The following CCDC73 variants were observed in gnomAD, a reference collection of about 807,000 sequenced individuals.
CCDC73 encodes the protein coiled-coil domain-containing protein 73.
In CCDC73, 95 loss-of-function variants were observed where a neutral mutation model predicts 116.5. The observed-to-expected ratio is 0.82, with a 90% CI of 0.69 to 0.97. The LOEUF (loss-of-function observed/expected upper bound fraction) is 0.97, where lower values mean the gene tolerates loss of function less well. Ranked by LOEUF, CCDC73 falls within the 50% of genes least tolerant of loss-of-function variation. The pLI, the probability that CCDC73 is intolerant of heterozygous loss-of-function variation, is 0.00. For synonymous variants in CCDC73, 398 were observed against 401.3 expected, an observed-to-expected ratio of 0.99 and a Z score of 0.10; for missense variants, 1,066 against 1,206.8, an observed-to-expected ratio of 0.88 and a Z score of 1.73.
the CCDC73 span, among the ~76,000 whole-genome samples, chr11:32,811,650 G>C: frequency 1.3e-4 from 20 of 152,214 alleles, no homozygotes; most frequent in East Asian, 3.1e-3. Flanking sequence ...GAAGGCAAAG[G>C]GGGGAGCCGG....
chr11:32,759,438 C>G (rs1412882863), intron 2 of CCDC73, among the ~76,000 whole-genome samples: 2 of 148,644 alleles, frequency 1.3e-5, no homozygotes, highest in South Asian at 2.1e-4. Flanking sequence ...TCAAGCAATT[C>G]TTATGCCTCA....
At chr11:32,649,448 A>T (rs1454786518) in intron 12 of CCDC73, among the ~76,000 whole-genome samples, 1 of 152,206 alleles carries the variant, frequency 6.6e-6, no homozygotes, top group Non-Finnish European at 1.5e-5. Context: ...CTATGCTCTA[A>T]ATTTTACTAC....
At chr11:32,715,520 A>ACC (rs1554966474) in intron 3 of CCDC73, among the ~76,000 whole-genome samples, 110 of 149,960 alleles carry the variant, frequency 7.3e-4, no homozygotes, top group East Asian at 3.4e-3. Flanking sequence ...ACACACACAC[A>ACC]CCACCAGAAA....
At chr11:32,800,790 T>C in the CCDC73 span, among the ~76,000 whole-genome samples, 1 of 152,174 alleles carries the variant, frequency 6.6e-6, no homozygotes, top group African/African-American at 2.4e-5. Flanking sequence ...AGTCTTAGGG[T>C]TCCTGCTTAA....
intron 1 of CCDC73, among the ~76,000 whole-genome samples, chr11:32,777,342 T>G (rs1850546901): frequency 6.6e-6 from 1 of 152,020 alleles, no homozygotes; most frequent in African/African-American, 2.4e-5. Flanking sequence ...TGACCTCAAG[T>G]GATCTGTCCA....
At chr11:32,734,434 T>C (rs1048383752) in intron 2 of CCDC73, among the ~76,000 whole-genome samples, 3 of 151,322 alleles carry the variant, frequency 2.0e-5, no homozygotes, top group Non-Finnish European at 2.9e-5. Flanking sequence ...TCTTTTTTTT[T>C]TTTTTTTTTA....
intron 3 of CCDC73, among the ~76,000 whole-genome samples, chr11:32,715,520 A>C (rs544937152): frequency 3.3e-5 from 5 of 149,960 alleles, no homozygotes; most frequent in African/African-American, 4.9e-5. Context: ...ACACACACAC[A>C]CCACCAGAAA....
At chr11:32,714,075 G>A (rs1019001141) in intron 3 of CCDC73, among the ~76,000 whole-genome samples, 1 of 151,992 alleles carries the variant, frequency 6.6e-6, no homozygotes, top group Non-Finnish European at 1.5e-5. Flanking sequence ...TATCTCCAGG[G>A]ACAGGGTTAC....
chr11:32,668,233 C>T (rs1856005704), intron 9 of CCDC73, among the ~76,000 whole-genome samples: 1 of 152,046 alleles, frequency 6.6e-6, no homozygotes, highest in Non-Finnish European at 1.5e-5. Flanking sequence ...CTCTCAAGTA[C>T]TAATAAATGG....
chr11:32,691,936 T>C (rs1306228583), intron 6 of CCDC73, among the ~76,000 whole-genome samples: 1 of 150,730 alleles, frequency 6.6e-6, no homozygotes, highest in Admixed American at 6.7e-5. Context: ...TAGTCCCAGC[T>C]ACTTGGGAGG....
chr11:32,793,830 C>CA (rs1229064182), intron 1 of CCDC73, among the ~76,000 whole-genome samples: 4 of 151,926 alleles, frequency 2.6e-5, no homozygotes, highest in Admixed American at 6.6e-5. Flanking sequence ...AGGCTGGTCT[C>CA]AAACTCCTGA....
the CCDC73 span, chr11:32,830,405 G>C: frequency 3.0e-5 from 31 of 1,022,604 alleles, no homozygotes; most frequent in Admixed American, 1.1e-4. Context: ...GCGCTCTTGC[G>C]CCTAGGCTTT....
chr11:32,703,457 G>GAAA (rs561438665), intron 3 of CCDC73, among the ~76,000 whole-genome samples: 2 of 142,276 alleles, frequency 1.4e-5, no homozygotes, highest in African/African-American at 5.1e-5. Context: ...CTTTTTTCAT[G>GAAA]AAAAAAAAAA....
intron 14 of CCDC73, among the ~76,000 whole-genome samples, chr11:32,623,647 C>A (rs1337374888): frequency 6.6e-6 from 1 of 152,120 alleles, no homozygotes; most frequent in East Asian, 1.9e-4. Context: ...AGCCACCATG[C>A]CCAGCCCAGA....
intron 14 of CCDC73, among the ~76,000 whole-genome samples, chr11:32,616,575 G>A (rs1023927278): frequency 6.6e-6 from 1 of 151,972 alleles, no homozygotes; most frequent in Non-Finnish European, 1.5e-5. Context: ...CAAAATTCTG[G>A]GCCCACACTA....
intron 9 of CCDC73, among the ~76,000 whole-genome samples, chr11:32,665,567 G>A (rs1389426190): frequency 1.3e-5 from 2 of 152,160 alleles, no homozygotes; most frequent in Admixed American, 6.5e-5. Context: ...CACGTGAGAT[G>A]GGTCTCCTGA....
chr11:32,669,297 A>C (rs935365104), intron 9 of CCDC73, among the ~76,000 whole-genome samples: 1 of 152,128 alleles, frequency 6.6e-6, no homozygotes, highest in Non-Finnish European at 1.5e-5. Context: ...ACAAAAGGAA[A>C]TCTTTTATGC....
At chr11:32,701,718 T>C (rs1429505823) in intron 4 of CCDC73, among the ~76,000 whole-genome samples, 1 of 152,016 alleles carries the variant, frequency 6.6e-6, no homozygotes, top group Non-Finnish European at 1.5e-5. Context: ...TAATGACATT[T>C]TAAAACAGAA....
At chr11:32,683,354 G>T (rs12794499) in intron 7 of CCDC73, 182 bp downstream of exon 7, 48,793 of 598,624 alleles carry the variant, frequency 0.082, 2,339 homozygotes, top group South Asian at 0.12. Context: ...ATAAATTTGT[G>T]AAATAATTCA....
Sources: gnomAD v4.1 joint callset for allele counts (sites outside exome capture counted in the v4.1 genomes callset) on GRCh38, gnomAD v4.1.1 for gene constraint, MANE v1.5 for transcripts, NCBI Gene and HGNC (gene_info 2026-07-23, HGNC 2026-07-21) for gene names.